The following NOL4L variants were observed in gnomAD, a reference collection of about 807,000 sequenced individuals.
NOL4L encodes nucleolar protein 4-like.
In NOL4L, 7 loss-of-function variants were observed where a neutral mutation model predicts 64.5. The ratio of observed to expected loss-of-function variants is 0.11; its 90% CI spans 0.06 to 0.20. The LOEUF (loss-of-function observed/expected upper bound fraction) is 0.20. NOL4L is among the 10% of genes least tolerant of loss of function. The pLI, the probability that NOL4L is intolerant of heterozygous loss-of-function variation, is 1.00. For missense variants in NOL4L, 680 were observed against 967.1 expected, an observed-to-expected ratio of 0.70 and a Z score of 3.94; for synonymous variants, 413 against 401.0, an observed-to-expected ratio of 1.03 and a Z score of -0.36.
intron 3 of NOL4L, among the ~76,000 whole-genome samples, chr20:32,518,661 G>A (rs376738722): frequency 5.7e-4 from 87 of 152,330 alleles, no homozygotes; most frequent in Non-Finnish European, 1.1e-3. Context: ...GTCTGACTCC[G>A]CCAGTTGCTA....
At position 32,485,071 on chromosome 20, in the gene NOL4L, A is replaced by C. The variant is rs868266860; in HGVS notation, c.700-10329T>G. Among the ~76,000 whole-genome samples the C allele has an allele frequency of 6.8e-4, 99 of 146,436 alleles. 1 individual carries two copies. The Middle Eastern group carries it at 0.021, about 31-fold the overall frequency. ...TGGGGAAATTGCCAAAAAAAAAAAA[A>C]AAAAAAAAAAAAAAAACAACTAAAA... On this transcript the variant is annotated intron_variant, in intron 4 of 10. Transcript: ENST00000621426.
intron 1 of NOL4L, among the ~76,000 whole-genome samples, chr20:32,559,892 C>T (rs1978896746): frequency 2.0e-5 from 3 of 152,220 alleles, no homozygotes; most frequent in African/African-American, 7.2e-5. Flanking sequence ...GCCGCCCACG[C>T]GGCCTCCCTG....
At chr20:32,456,704 G>A (rs765107616) in intron 5 of NOL4L, among the ~76,000 whole-genome samples, 2 of 152,230 alleles carry the variant, frequency 1.3e-5, no homozygotes, top group Non-Finnish European at 2.9e-5. Context: ...CGAGCTCCAA[G>A]GGTTTGGGAG....
At chr20:32,516,886 T>C (rs1207959211) in intron 3 of NOL4L, among the ~76,000 whole-genome samples, 3 of 152,236 alleles carry the variant, frequency 2.0e-5, no homozygotes, top group Non-Finnish European at 4.4e-5. Flanking sequence ...CATTGGCTAC[T>C]CCCAGTTTGC....
chr20:32,521,492 TG>T (rs1364250890), intron 2 of NOL4L, among the ~76,000 whole-genome samples: 1 of 152,060 alleles, frequency 6.6e-6, no homozygotes, highest in African/African-American at 2.4e-5. Context: ...AACTATGGCT[TG>T]GAGAGGTGAG....
chr20:32,510,260 C>T, intron 4 of NOL4L: 1 of 338,780 alleles, frequency 3.0e-6, no homozygotes, highest in Non-Finnish European at 5.9e-6. Flanking sequence ...CTACGTCACA[C>T]AGCCTCTAGG....
At chr20:32,567,964 C>T (rs1009161066) in intron 1 of NOL4L, among the ~76,000 whole-genome samples, 1 of 151,804 alleles carries the variant, frequency 6.6e-6, no homozygotes, top group Non-Finnish European at 1.5e-5. Context: ...TCATCACCAC[C>T]ATCATCGTCA....
chr20:32,573,039 CTT>C (rs3078261), intron 1 of NOL4L, among the ~76,000 whole-genome samples: 39,856 of 142,024 alleles, frequency 0.28, 6,541 homozygotes, highest in East Asian at 0.74. Flanking sequence ...GCATCCTTTT[CTT>C]TTTTTTTTTT....
chr20:32,483,228 C>A (rs1388633673), intron 4 of NOL4L: 49 of 423,712 alleles, frequency 1.2e-4, no homozygotes, highest in African/African-American at 1.0e-3. Context: ...CTGCGCCCCC[C>A]TCCCCAGAAC....
chr20:32,502,590 A>G (rs1010387122), intron 4 of NOL4L, among the ~76,000 whole-genome samples: 24 of 149,362 alleles, frequency 1.6e-4, no homozygotes, highest in African/African-American at 5.7e-4. Flanking sequence ...CCATCTCAAA[A>G]AAAAAAAGTA....
chr20:32,506,003 A>T (rs1330156159), intron 4 of NOL4L, among the ~76,000 whole-genome samples: 1 of 152,178 alleles, frequency 6.6e-6, no homozygotes, highest in Non-Finnish European at 1.5e-5. Context: ...ACTCAATGCC[A>T]CTCAATTATA....
At chr20:32,469,845 A>G (rs573644585) in intron 5 of NOL4L, among the ~76,000 whole-genome samples, 42 of 152,250 alleles carry the variant, frequency 2.8e-4, no homozygotes, top group Non-Finnish European at 5.3e-4. Context: ...AGGTGGGGAC[A>G]GGGCTCATCA....
chr20:32,524,147 TCAGAAAAGCAGGAAG>T (rs1434966620), intron 2 of NOL4L, among the ~76,000 whole-genome samples: 1 of 151,938 alleles, frequency 6.6e-6, no homozygotes, highest in African/African-American at 2.4e-5. Context: ...GGTGCAGAAA[TCAGAAAAGCAGGAAG>T]GCCCCTTGGA....
intron 1 of NOL4L, chr20:32,572,270 A>G (rs911495646): frequency 6.6e-6 from 1 of 152,162 alleles, no homozygotes; most frequent in African/African-American, 2.4e-5. Flanking sequence ...GCGGCCACCA[A>G]ATTTGGACAA....
chr20:32,474,560 C>T (rs780374175), intron 5 of NOL4L, 41 bp downstream of exon 5: 80 of 1,583,484 alleles, frequency 5.1e-5, no homozygotes, highest in African/African-American at 3.4e-4. Context: ...AGCAGGGGGC[C>T]GGGCACAGCC....
chr20:32,492,306 T>C (rs982123488), intron 4 of NOL4L, among the ~76,000 whole-genome samples: 1 of 152,238 alleles, frequency 6.6e-6, no homozygotes, highest in East Asian at 1.9e-4. Flanking sequence ...CACACACTTA[T>C]GCTTGTGAGC....
chr20:32,560,053 G>A (rs1021418510), intron 1 of NOL4L, among the ~76,000 whole-genome samples: 9 of 152,252 alleles, frequency 5.9e-5, no homozygotes, highest in South Asian at 4.1e-4. Context: ...CAGGGCACTC[G>A]CAGAGGTTCT....
chr20:32,509,787 G>C, intron 4 of NOL4L: 1 of 1,302,170 alleles, frequency 7.7e-7, no homozygotes, highest in South Asian at 1.2e-5. Flanking sequence ...TGGTTCTAGT[G>C]GTGACCTGGA....
chr20:32,461,651 T>C (rs2014079413), intron 5 of NOL4L, among the ~76,000 whole-genome samples: 1 of 151,538 alleles, frequency 6.6e-6, no homozygotes, highest in South Asian at 2.1e-4. Context: ...CTCGATCTCC[T>C]GACCTCGTGA....
Sources: allele counts gnomAD v4.1 joint callset (sites outside exome capture counted in the v4.1 genomes callset), GRCh38; gene constraint gnomAD v4.1.1; transcripts MANE v1.5; gene names NCBI Gene and HGNC (gene_info 2026-07-23, HGNC 2026-07-21).